Variants in AFM observed in about 807,000 individuals in gnomAD.
AFM encodes the protein alpha-Alb.
Under a neutral mutation model 68.7 loss-of-function variants are expected in AFM, and 82 were observed. That is an observed-to-expected ratio of 1.19 (90% confidence interval 1.00 to 1.43). The LOEUF (loss-of-function observed/expected upper bound fraction) is 1.43, where lower values mean the gene tolerates loss of function less well. Among genes scored for constraint, AFM ranks in the 40% most tolerant of loss-of-function variants. AFM has a pLI of 0.00. For synonymous variants in AFM, 250 were observed against 234.2 expected, an observed-to-expected ratio of 1.07 and a Z score of -0.61; for missense variants, 772 against 701.8, an observed-to-expected ratio of 1.10 and a Z score of -1.13.
chr4:73,482,990 G>A (rs1413110988), intron 1 of AFM, among the ~76,000 whole-genome samples: 1 of 152,074 alleles, frequency 6.6e-6, no homozygotes, highest in Non-Finnish European at 1.5e-5. Context: ...CCTATAATCT[G>A]GGCCCAGGTT....
rs1721225839 is a variant in AFM at position 73,495,359 on chromosome 4, T to A, written c.1118T>A (p.Ile373Asn). The A allele has an allele frequency of 6.2e-7, 1 of 1,613,334 alleles. No individual in the cohort carries two copies. Among genetic ancestry groups the A allele is most frequent in the Non-Finnish European group, 8.5e-7 (1 of 1,179,750 alleles). ...PDLSIPELLR[I>N]VQIYKDLLRN... Reference sequence around the variant, plus strand: ...CTGTCTATACCAGAGCTTTTAAGAATTGTTCAAATATACAAAGATCTCCTG... The same window carrying A: ...CTGTCTATACCAGAGCTTTTAAGAAATGTTCAAATATACAAAGATCTCCTG... Residue 373 changes from isoleucine to asparagine, a missense_variant, in exon 9 of 15, where the codon ATT (isoleucine) becomes AAT (asparagine). Ile to Asn is a moderately radical substitution (Grantham distance 149). Coordinates refer to ENST00000226355, the MANE Select transcript of AFM (RefSeq NM_001133.2).
At chr4:73,489,529 T>C (rs1721008560) in intron 7 of AFM, among the ~76,000 whole-genome samples, 1 of 152,180 alleles carries the variant, frequency 6.6e-6, no homozygotes, top group Admixed American at 6.5e-5. Context: ...CTTAGCAATT[T>C]TAAAGTACTC....
chr4:73,491,875 A>G lies in AFM; in HGVS notation c.847A>G (p.Lys283Glu), dbSNP rs1721077972. ...CTCTCATTCTTATTTGGTACAGAGC[A>G]AGGTTATGAACCATATTTGTTCAAA... is the stretch of plus-strand genomic sequence containing the variant. ...DVVQCIRDTS[K>E]VMNHICSKQD... The change falls in exon 8 of 15, where the codon AAG (lysine) becomes GAG (glutamate). Residue 283 changes from lysine (K) to glutamate (E), a missense_variant. Physicochemically the swap from Lys to Glu is moderately conservative, Grantham distance 56 (BLOSUM62 1). Coordinates refer to ENST00000226355, the MANE Select transcript of AFM (RefSeq NM_001133.2). The G allele has an allele frequency of 6.2e-7, 1 of 1,612,030 alleles. No homozygotes were observed. The highest frequency in any genetic ancestry group is 8.5e-7 in the Non-Finnish European group (1 of 1,178,842).
chr4:73,482,957 T>A (rs1032389357), intron 1 of AFM, among the ~76,000 whole-genome samples: 2 of 152,196 alleles, frequency 1.3e-5, no homozygotes, highest in African/African-American at 4.8e-5. Context: ...AAGCCCATAC[T>A]CCTTAGCTTT....
chr4:73,491,199 C>T (rs1203579020), intron 7 of AFM, among the ~76,000 whole-genome samples: 1 of 152,170 alleles, frequency 6.6e-6, no homozygotes, highest in African/African-American at 2.4e-5. Context: ...CTCTAATTCC[C>T]AACTCTTATG....
At chr4:73,499,358 T>A (rs1034828004) in intron 11 of AFM, 112 bp downstream of exon 11, 2 of 1,139,730 alleles carry the variant, frequency 1.8e-6, no homozygotes, top group African/African-American at 3.2e-5. Context: ...ACTGTTTTAA[T>A]ATTGTTAAGC....
chr4:73,482,725 G>A (rs1720747931), intron 1 of AFM, among the ~76,000 whole-genome samples: 1 of 152,116 alleles, frequency 6.6e-6, no homozygotes, highest in Non-Finnish European at 1.5e-5. Flanking sequence ...CAGTGTGACA[G>A]TTGCAAAGTC....
intron 10 of AFM, among the ~76,000 whole-genome samples, chr4:73,497,981 T>A (rs931965889): frequency 6.6e-6 from 1 of 152,246 alleles, no homozygotes; most frequent in South Asian, 2.1e-4. Context: ...GATTCTCTAA[T>A]GCTTTGGTTT....
intron 13 of AFM, among the ~76,000 whole-genome samples, chr4:73,502,714 G>A (rs973824142): frequency 4.6e-5 from 7 of 152,116 alleles, no homozygotes; most frequent in African/African-American, 1.7e-4. Flanking sequence ...ACTTTTCTGA[G>A]TGACACTTAG....
chr4:73,486,814 T>G (rs531425468), intron 4 of AFM, among the ~76,000 whole-genome samples, 153 bp from the exon 5 acceptor site: 2 of 152,338 alleles, frequency 1.3e-5, no homozygotes, highest in South Asian at 2.1e-4. Flanking sequence ...CCTTTTACCT[T>G]GTTTTACAAC....
At chr4:73,484,756 C>G (rs949993782) in intron 3 of AFM, among the ~76,000 whole-genome samples, 3 of 152,012 alleles carry the variant, frequency 2.0e-5, no homozygotes, top group African/African-American at 7.2e-5. Flanking sequence ...AGCCTGGTCT[C>G]AAACTCCTGA....
intron 1 of AFM, among the ~76,000 whole-genome samples, chr4:73,482,178 T>C (rs1213027732): frequency 6.6e-6 from 1 of 152,186 alleles, no homozygotes; most frequent in East Asian, 1.9e-4. Flanking sequence ...TATGTATAGT[T>C]TATGGTAACA....
chr4:73,501,882 G>A lies in AFM; in HGVS notation c.1742G>A (p.Cys581Tyr), dbSNP rs745638901. 41 of 1,613,514 alleles carry A rather than the reference G, an allele frequency of 2.5e-5. No homozygotes were observed. The highest frequency in any genetic ancestry group is 3.5e-5 in the Non-Finnish European group (41 of 1,179,634). ...TTCGCAAATGTAGTGGATAAGTGCT[G>A]CAAAGCAGAGAGTCCTGAAGTCTGC... is the stretch of plus-strand genomic sequence containing the variant. ...TNFANVVDKC[C>Y]KAESPEVCFN... The change falls in exon 13 of 15, where the codon TGC becomes TAC. Residue 581 changes from cysteine (C) to tyrosine (Y), a missense_variant. Transcript: ENST00000226355.
rs749392934 is a variant in AFM at position 73,501,822 on chromosome 4, T to G, written c.1682T>G (p.Leu561Arg). The G allele has an allele frequency of 1.9e-6, 3 of 1,613,314 alleles. No homozygotes were observed. Among genetic ancestry groups the G allele is most frequent in the Admixed American group, 1.7e-5 (1 of 59,884 alleles). ...LVNLVKLKHE[L>R]TDEELQSLFT... Reference sequence around the variant, plus strand: ...AACTTAGTGAAGCTGAAGCATGAACTCACAGATGAAGAGCTGCAGTCTTTG... The same window carrying G: ...AACTTAGTGAAGCTGAAGCATGAACGCACAGATGAAGAGCTGCAGTCTTTG... The change falls in exon 13 of 15, where the codon CTC becomes CGC. Residue 561 changes from leucine (L) to arginine (R), a missense_variant. Leu to Arg is a moderately radical substitution (Grantham distance 102). Coordinates refer to ENST00000226355, the MANE Select transcript of AFM (RefSeq NM_001133.2).
intron 3 of AFM, among the ~76,000 whole-genome samples, chr4:73,484,799 A>G (rs2149342742): frequency 6.6e-6 from 1 of 152,028 alleles, no homozygotes; most frequent in African/African-American, 2.4e-5. Flanking sequence ...GGCCTCCCAA[A>G]GTGTTGGGAT....
chr4:73,494,784 G>A (rs1430512724), intron 8 of AFM, among the ~76,000 whole-genome samples: 1 of 152,080 alleles, frequency 6.6e-6, no homozygotes, highest in Non-Finnish European at 1.5e-5. Flanking sequence ...CAGAGGATTT[G>A]GAAGCCACTG....
intron 11 of AFM, among the ~76,000 whole-genome samples, chr4:73,499,789 A>C (rs1386930362): frequency 6.6e-6 from 1 of 152,138 alleles, no homozygotes; most frequent in East Asian, 1.9e-4. Context: ...ATTTGTAGGC[A>C]TCTAAATTCT....
rs1193738739 is a variant in AFM, at chr4:73,487,831, A to G, written c.713+10A>G. On this transcript the variant is annotated intron_variant, in intron 6 of 14. Transcript: ENST00000226355. ...AAGTTGTACACTTTATGTGAGTTTT[A>G]TACTATATGTCTTGTCTCTGCTTGC... 3 of 1,533,182 alleles carry G rather than the reference A, an allele frequency of 2.0e-6. No individual in the cohort carries two copies. Among genetic ancestry groups the G allele is most frequent in the South Asian group, 2.2e-5 (2 of 89,044 alleles). The allele number at this position is 1,533,182 out of a possible 1,614,324, so 95.0% of individuals were successfully genotyped here.
chr4:73,485,541 AAGG>A (rs1241046156), intron 3 of AFM, among the ~76,000 whole-genome samples: 1 of 151,592 alleles, frequency 6.6e-6, no homozygotes, highest in African/African-American at 2.4e-5. Context: ...AGCAGAAAAC[AAGG>A]AGAAGGAGAA....
Sources: gnomAD v4.1 joint callset for allele counts (sites outside exome capture counted in the v4.1 genomes callset) on GRCh38, gnomAD v4.1.1 for gene constraint, MANE v1.5 for transcripts, NCBI Gene and HGNC (gene_info 2026-07-23, HGNC 2026-07-21) for gene names.